The following GALNT16 variants were observed in gnomAD, a reference collection of about 807,000 sequenced individuals.
GALNT16 encodes UDP-GalNAc:polypeptide N-acetylgalactosaminyltransferase-like protein 1.
Under a neutral mutation model 76.1 loss-of-function variants are expected in GALNT16, and 40 were observed. That is an observed-to-expected ratio of 0.53 (90% confidence interval 0.41 to 0.68). The LOEUF (loss-of-function observed/expected upper bound fraction) is 0.68. Among genes scored for constraint, GALNT16 ranks in the 30% least tolerant of loss-of-function variants. The pLI is 0.00. For synonymous variants in GALNT16, 276 were observed against 285.2 expected, an observed-to-expected ratio of 0.97 and a Z score of 0.32; for missense variants, 621 against 731.9, an observed-to-expected ratio of 0.85 and a Z score of 1.75.
chr14:69,347,321 T>G (rs1481634751), intron 13 of GALNT16, 140 bp downstream of exon 13: 5 of 713,846 alleles, frequency 7.0e-6, no homozygotes, highest in Non-Finnish European at 9.0e-6. Flanking sequence ...CCCTAGACCC[T>G]GCTCCTACAC....
intron 9 of GALNT16, among the ~76,000 whole-genome samples, chr14:69,336,168 T>C (rs2045412814): frequency 6.6e-6 from 1 of 152,142 alleles, no homozygotes; most frequent in Non-Finnish European, 1.5e-5. Flanking sequence ...TGGAAGGCAG[T>C]GGCACAATCT....
At chr14:69,279,484 T>C (rs182482129) in intron 1 of GALNT16, among the ~76,000 whole-genome samples, 3 of 152,274 alleles carry the variant, frequency 2.0e-5, no homozygotes, top group African/African-American at 7.2e-5. Context: ...GTTCAATAAA[T>C]GTTATGTAGA....
intron 1 of GALNT16, among the ~76,000 whole-genome samples, chr14:69,300,042 G>A (rs990557372): frequency 2.0e-5 from 3 of 152,230 alleles, no homozygotes; most frequent in Non-Finnish European, 4.4e-5. Flanking sequence ...GCTGCTTTTA[G>A]CACGTGTGTG....
chr14:69,362,784 T>G, the GALNT16 span, among the ~76,000 whole-genome samples: 1 of 152,188 alleles, frequency 6.6e-6, no homozygotes, highest in Non-Finnish European at 1.5e-5. Flanking sequence ...TCTAAAGCTT[T>G]GAATTTTCCA....
At chr14:69,323,608 T>G (rs2045235067) in intron 2 of GALNT16, among the ~76,000 whole-genome samples, 1 of 152,182 alleles carries the variant, frequency 6.6e-6, no homozygotes, top group African/African-American at 2.4e-5. Context: ...CCACAATTCA[T>G]AGGCCCTTGA....
chr14:69,289,630 T>G (rs57246387), intron 1 of GALNT16, among the ~76,000 whole-genome samples: 1 of 152,062 alleles, frequency 6.6e-6, no homozygotes, highest in Non-Finnish European at 1.5e-5. Context: ...TCCTGGATGC[T>G]CCACCAGGAG....
intron 1 of GALNT16, among the ~76,000 whole-genome samples, chr14:69,316,825 T>C (rs974610473): frequency 6.6e-6 from 1 of 151,866 alleles, no homozygotes; most frequent in African/African-American, 2.4e-5. Context: ...GTCCCATTTG[T>C]TTGCTGTTTT....
intron 1 of GALNT16, among the ~76,000 whole-genome samples, chr14:69,302,620 A>G (rs576805555): frequency 6.6e-6 from 1 of 152,332 alleles, no homozygotes; most frequent in South Asian, 2.1e-4. Context: ...GCACAGGAAG[A>G]GAAGAAACAC....
At chr14:69,317,910 G>C (rs541164600) in intron 1 of GALNT16, among the ~76,000 whole-genome samples, 1 of 152,178 alleles carries the variant, frequency 6.6e-6, no homozygotes, top group Admixed American at 6.5e-5. Flanking sequence ...GTTACATATC[G>C]GAAGTAGAAC....
intron 14 of GALNT16, chr14:69,350,810 G>C (rs912672878): frequency 6.6e-6 from 1 of 152,350 alleles, no homozygotes; most frequent in Non-Finnish European, 1.5e-5. Context: ...GAAGATGGAA[G>C]AGGGGAGGTG....
At chr14:69,316,778 G>GGGC (rs1157907956) in intron 1 of GALNT16, among the ~76,000 whole-genome samples, 3 of 126,302 alleles carry the variant, frequency 2.4e-5, no homozygotes, top group African/African-American at 5.8e-5. Context: ...AGTCTGTGAG[G>GGGC]GGGGGGGGCA....
intron 2 of GALNT16, 80 bp downstream of exon 2, chr14:69,320,948 A>G (rs1051825537): frequency 1.4e-5 from 19 of 1,331,526 alleles, no homozygotes; most frequent in African/African-American, 2.9e-5. Context: ...TTTTACGTGT[A>G]TCTAAGAAAT....
intron 14 of GALNT16, chr14:69,351,093 C>A (rs188462933): frequency 6.6e-6 from 1 of 152,400 alleles, no homozygotes; most frequent in East Asian, 1.9e-4. Flanking sequence ...CAGTCTCCCA[C>A]CACCCTGCTG....
At chr14:69,284,604 C>T (rs950960365) in intron 1 of GALNT16, among the ~76,000 whole-genome samples, 3 of 152,164 alleles carry the variant, frequency 2.0e-5, no homozygotes, top group Admixed American at 6.5e-5. Flanking sequence ...CTGTGACTTG[C>T]GGCTTCATAA....
the GALNT16 span, among the ~76,000 whole-genome samples, chr14:69,371,272 G>T: frequency 1.3e-5 from 2 of 150,468 alleles, no homozygotes; most frequent in Non-Finnish European, 3.0e-5. Context: ...ATTTTTTTTT[G>T]AGATGGAGTC....
intron 1 of GALNT16, among the ~76,000 whole-genome samples, chr14:69,307,500 T>C (rs2044953151): frequency 6.6e-6 from 1 of 152,172 alleles, no homozygotes; most frequent in African/African-American, 2.4e-5. Flanking sequence ...CTGAACCCCC[T>C]CCTTTTATAC....
chr14:69,360,322 C>A (rs1798106499), downstream of GALNT16, among the ~76,000 whole-genome samples: 1 of 151,238 alleles, frequency 6.6e-6, no homozygotes, highest in Admixed American at 6.6e-5. Context: ...CACTGCACTT[C>A]CAGCCTGGGC....
the GALNT16 span, among the ~76,000 whole-genome samples, chr14:69,365,900 G>C: frequency 6.6e-6 from 1 of 152,190 alleles, no homozygotes; most frequent in African/African-American, 2.4e-5. Context: ...ACATACGTAA[G>C]GTCCCTGACC....
intron 1 of GALNT16, among the ~76,000 whole-genome samples, chr14:69,311,450 C>T (rs369931058): frequency 6.6e-5 from 10 of 152,168 alleles, no homozygotes; most frequent in African/African-American, 2.2e-4. Context: ...GGGACATATT[C>T]GAACCACAGC....
Sources: allele counts gnomAD v4.1 joint callset (sites outside exome capture counted in the v4.1 genomes callset), GRCh38; gene constraint gnomAD v4.1.1; transcripts MANE v1.5; gene names NCBI Gene and HGNC (gene_info 2026-07-23, HGNC 2026-07-21).